MAB21L4: variants seen among roughly 807,000 people sequenced by gnomAD.
MAB21L4 encodes mab-21 like 4, also known as protein mab-21-like 4.
A neutral mutation model predicts 32.4 loss-of-function variants in MAB21L4; 25 were observed. The ratio of observed to expected loss-of-function variants is 0.77; its 90% CI spans 0.56 to 1.08. The LOEUF is 1.08. MAB21L4 is among the 50% of genes least tolerant of loss of function. The pLI, the probability that MAB21L4 is intolerant of heterozygous loss-of-function variation, is 0.00. For synonymous variants in MAB21L4, 280 were observed against 276.8 expected (o/e 1.01, Z -0.11); for missense variants, 638 against 611.0 (o/e 1.04, Z -0.47).
rs2059101986 is a variant in MAB21L4, at chr2:240,887,112, G to C, written c.1302C>G (p.Ser434Arg). The C allele has an allele frequency of 2.5e-6, 4 of 1,614,058 alleles. No homozygotes were observed. In the African/African-American group the frequency reaches 5.3e-5, roughly 22 times the overall value. Residue 434 changes from serine (S) to arginine (R), a missense_variant, in exon 5 of 5, where the codon AGC becomes AGG. Physicochemically the swap from Ser to Arg is moderately radical, Grantham distance 110. Transcript: ENST00000388934. ...QDKDRISAMQ[S>R]IFQKTRTLGG... Reference sequence around the variant, plus strand: ...CCAGAGTCCTGGTCTTCTGGAAGATGCTCTGCATGGCAGAGATCCGGTCCT... The same window carrying C: ...CCAGAGTCCTGGTCTTCTGGAAGATCCTCTGCATGGCAGAGATCCGGTCCT...
chr2:240,891,652 A>G lies in MAB21L4; in HGVS notation c.626T>C (p.Leu209Pro), dbSNP rs781394354. Residue 209 changes from leucine (L) to proline (P), a missense_variant, in exon 2 of 5, where the codon CTT (leucine) becomes CCT (proline). Leu to Pro is a moderately conservative substitution (Grantham distance 98, BLOSUM62 -3). Coordinates refer to ENST00000388934, the MANE Select transcript of MAB21L4 (RefSeq NM_001085437.3). Reference protein sequence around the residue: ...FHVVPVVRRKLGAPALEGVQQ... With the variant: ...FHVVPVVRRKPGAPALEGVQQ... Reference sequence around the variant, plus strand: ...CACCCCCTCCAGGGCAGGCGCCCCAAGCTTCCTTCTCACCACGGGCACCAC... The same window carrying G: ...CACCCCCTCCAGGGCAGGCGCCCCAGGCTTCCTTCTCACCACGGGCACCAC... The G allele has an allele frequency of 6.2e-7, 1 of 1,609,146 alleles. No individual in the cohort carries two copies. Among genetic ancestry groups the G allele is most frequent in the Admixed American group, 1.7e-5 (1 of 60,016 alleles).
At chr2:240,889,911 GC>G in intron 3 of MAB21L4, 93 bp downstream of exon 3, 2 of 1,378,004 alleles carry the variant, frequency 1.5e-6, no homozygotes, top group Non-Finnish European at 2.0e-6. Flanking sequence ...CATAGCAGCT[GC>G]CTGCCAGTCA....
intron 1 of MAB21L4, among the ~76,000 whole-genome samples, chr2:240,894,569 C>A (rs1251033271): frequency 6.6e-6 from 1 of 152,204 alleles, no homozygotes; most frequent in African/African-American, 2.4e-5. Flanking sequence ...CTTTGAGAGG[C>A]CCAGGTGGGC....
intron 1 of MAB21L4, among the ~76,000 whole-genome samples, chr2:240,894,465 C>T (rs1220649264): frequency 6.6e-6 from 1 of 152,178 alleles, no homozygotes; most frequent in Non-Finnish European, 1.5e-5. Context: ...GCAGCCCCTG[C>T]TGAAGGAGCC....
In MAB21L4 at chr2:240,895,663, C is replaced by A; in HGVS notation, c.335G>T (p.Gly112Val). 1 of 1,612,956 alleles carries A rather than the reference C, an allele frequency of 6.2e-7. No homozygotes were observed. Among genetic ancestry groups the A allele is most frequent in the Non-Finnish European group, 8.5e-7 (1 of 1,180,032 alleles). ...PEDGLELCHLGVPREGAGLER... is the reference protein window; with the variant it reads ...PEDGLELCHLVVPREGAGLER... ...CAGGCCAGCCCCTTCCCTGGGCACA[C>A]CCAGGTGGCATAATTCAAGGCCATC... is the stretch of plus-strand genomic sequence containing the variant. Residue 112 changes from glycine (G) to valine (V), a missense_variant, in exon 1 of 5, where the codon GGT (glycine) becomes GTT (valine). Transcript: ENST00000388934.
chr2:240,892,720 G>A (rs1366243574), intron 1 of MAB21L4, among the ~76,000 whole-genome samples: 1 of 152,084 alleles, frequency 6.6e-6, no homozygotes. Context: ...GAGAGCCCTT[G>A]CCCGAGAGCC....
At chr2:240,894,512 C>T (rs1169508977) in intron 1 of MAB21L4, among the ~76,000 whole-genome samples, 2 of 152,158 alleles carry the variant, frequency 1.3e-5, no homozygotes, top group African/African-American at 4.8e-5. Flanking sequence ...ATCAACAAGG[C>T]CCCAAAGGTG....
chr2:240,887,788 G>T (rs1178997640), intron 4 of MAB21L4, among the ~76,000 whole-genome samples: 1 of 152,212 alleles, frequency 6.6e-6, no homozygotes, highest in Non-Finnish European at 1.5e-5. Flanking sequence ...AGCAGAGGTG[G>T]CAGAGCCTGG....
chr2:240,889,885 A>G, intron 3 of MAB21L4, 120 bp downstream of exon 3: 8 of 1,228,560 alleles, frequency 6.5e-6, no homozygotes, highest in Non-Finnish European at 8.9e-6. Flanking sequence ...AATCCCCCCA[A>G]CTCCGACTTG....
rs1471491119 is a variant in MAB21L4, at chr2:240,886,449, A to T, written c.*621T>A. The T allele has an allele frequency of 2.6e-5, 4 of 152,222 alleles. No individual in the cohort carries two copies. Among genetic ancestry groups the T allele is most frequent in the Non-Finnish European group, 5.9e-5 (4 of 68,104 alleles). 9.4% of individuals were successfully genotyped at this position (152,222 alleles called of 1,614,324 possible). On this transcript the variant is annotated 3_prime_UTR_variant, in exon 5 of 5. Coordinates refer to ENST00000388934, the MANE Select transcript of MAB21L4 (RefSeq NM_001085437.3). ...CTTCCACGGGGACGGGAAGAAGCAG[A>T]TGGGAGTAGTCCTGGGCAGGTGGGC...
At chr2:240,891,811 C>G (rs752718874) in intron 1 of MAB21L4, 48 bp from the exon 2 acceptor site, 9 of 1,602,998 alleles carry the variant, frequency 5.6e-6, no homozygotes, top group African/African-American at 1.3e-5. Flanking sequence ...CTCACCTGCC[C>G]AGGACACTCC....
chr2:240,887,078 C>T lies in MAB21L4; in HGVS notation c.1336G>A (p.Glu446Lys), dbSNP rs556869324. ...AGACCAGGTGGCCCAGCTCAGCTCT[C>T]CTCGCCTCCCAGAGTCCTGGTCTTC... ...FQKTRTLGGE[E>K]S The change falls in exon 5 of 5, where the codon GAG becomes AAG. Residue 446 changes from glutamate (E) to lysine (K), a missense_variant. By Grantham distance (56) the Glu-to-Lys change is moderately conservative. Transcript: ENST00000388934. 169 of 1,613,998 alleles carry T rather than the reference C, an allele frequency of 1.0e-4. No homozygotes were observed. Among genetic ancestry groups the T allele is most frequent in the Non-Finnish European group, 1.4e-4 (163 of 1,179,900 alleles).
chr2:240,895,751 C>T lies in MAB21L4; in HGVS notation c.247G>A (p.Val83Met), dbSNP rs759355996. ...RSSEDPMDME[V>M]PLWVDAEALL... ...GCCTCGGCATCCACCCACAGGGGCA[C>T]CTCCATGTCCATTGGGTCCTCAGAG... Residue 83 changes from valine to methionine, a missense_variant, in exon 1 of 5, where the codon GTG (valine) becomes ATG (methionine). Physicochemically the swap from Val to Met is conservative, Grantham distance 21. Coordinates refer to ENST00000388934, the MANE Select transcript of MAB21L4 (RefSeq NM_001085437.3). The T allele has an allele frequency of 2.5e-6, 4 of 1,612,752 alleles. No homozygotes were observed. Among genetic ancestry groups the T allele is most frequent in the Non-Finnish European group, 3.4e-6 (4 of 1,179,948 alleles).
In MAB21L4 at chr2:240,891,710, C is replaced by G. The variant is rs1007195255; in HGVS notation, c.568G>C (p.Val190Leu). Residue 190 changes from valine (V) to leucine (L), a missense_variant, in exon 2 of 5, where the codon GTG (valine) becomes CTG (leucine). Coordinates refer to ENST00000388934, the MANE Select transcript of MAB21L4 (RefSeq NM_001085437.3). ...REEQLHLSLL[V>L]SSGWRTISFH... is the part of the protein sequence containing the mutation. ...CTGATTGTTCTCCAGCCGCTGGACACCAGCAAGGACAGGTGGAGCTGCTCC... is the reference window on the plus strand; with the variant it reads ...CTGATTGTTCTCCAGCCGCTGGACAGCAGCAAGGACAGGTGGAGCTGCTCC... The G allele has an allele frequency of 1.9e-6, 3 of 1,609,932 alleles. No homozygotes were observed. The African/African-American group carries it at 4.0e-5, about 21-fold the overall frequency.
At chr2:240,896,758 C>G (rs1313108608), upstream of MAB21L4, 2 of 150,364 alleles carry the variant, frequency 1.3e-5, no homozygotes, top group African/African-American at 4.9e-5. Flanking sequence ...GTCCCCACCC[C>G]ACCCCACCCC....
chr2:240,894,679 C>A lies in MAB21L4; in HGVS notation c.514+805G>T, dbSNP rs537141216. Among the ~76,000 whole-genome samples, 11 of 152,328 alleles carry A rather than the reference C, an allele frequency of 7.2e-5. No individual in the cohort carries two copies. The South Asian group carries it at 1.0e-3, about 14-fold the overall frequency. On this transcript the variant is annotated intron_variant, in intron 1 of 4. Transcript: ENST00000388934. The stretch of plus-strand genomic sequence containing the variant: ...AATTAGCTAGGCGTGGTAGCCCATG[C>A]CTGTAATCCCAGCTACTCAGGATTC...
At chr2:240,893,573 C>T (rs1329888551) in intron 1 of MAB21L4, among the ~76,000 whole-genome samples, 2 of 152,246 alleles carry the variant, frequency 1.3e-5, no homozygotes, top group Non-Finnish European at 2.9e-5. Flanking sequence ...CTGGTCTCAC[C>T]GGTTCCCAGG....
At chr2:240,890,231 C>A in intron 2 of MAB21L4, 73 bp from the exon 3 acceptor site, 1 of 1,522,226 alleles carries the variant, frequency 6.6e-7, no homozygotes, top group Non-Finnish European at 8.8e-7. Context: ...TTCTGAGCCC[C>A]GGAGGTTCGG....
At chr2:240,892,994 T>C (rs1006902953) in intron 1 of MAB21L4, among the ~76,000 whole-genome samples, 1 of 151,908 alleles carries the variant, frequency 6.6e-6, no homozygotes, top group African/African-American at 2.4e-5. Context: ...AGAGGTGAGG[T>C]GTCACTCAGG....
Sources: gnomAD v4.1 joint callset for allele counts (sites outside exome capture counted in the v4.1 genomes callset) on GRCh38, gnomAD v4.1.1 for gene constraint, MANE v1.5 for transcripts, NCBI Gene and HGNC (gene_info 2026-07-23, HGNC 2026-07-21) for gene names.